Variants in CEP83 observed in about 807,000 individuals in gnomAD.
CEP83 encodes centrosomal protein of 83 kDa.
CEP83 carries 70 observed loss-of-function variants against 101.9 expected under a neutral mutation model. That is an observed-to-expected ratio of 0.69 (90% CI 0.57 to 0.84). The LOEUF is 0.84. CEP83 is among the 40% of genes least tolerant of loss of function. The pLI is 0.00. For synonymous variants in CEP83, 264 were observed against 267.9 expected (o/e 0.99, Z 0.14); for missense variants, 715 against 787.2 (o/e 0.91, Z 1.10).
intron 4 of CEP83, among the ~76,000 whole-genome samples, chr12:94,410,023 C>T (rs964563887): frequency 1.4e-4 from 21 of 152,076 alleles, no homozygotes; most frequent in Admixed American, 2.6e-4. Context: ...ACAACTCAAC[C>T]CATAATAGAT....
At chr12:94,277,789 A>C in the CEP83 span, 3 of 367,750 alleles carry the variant, frequency 8.2e-6, no homozygotes, top group African/African-American at 6.4e-5. Context: ...CGATACTATC[A>C]TCAAGCCTTT....
rs1555237944 is a variant in CEP83, at chr12:94,379,043, C to A, written c.550-1G>T. ...CTTTATCTTCCTCCAGTCTTGCAAT[C>A]TAATAATAATTTTAAAGAAAGCATA... On this transcript the variant is annotated splice_acceptor_variant, in intron 6 of 16. Transcript: ENST00000397809. LOFTEE classifies it high-confidence loss of function. 1.3e-6 allele frequency: 2 copies of A among 1,592,250 alleles called. No homozygotes were observed. Among genetic ancestry groups the A allele is most frequent in the Admixed American group, 1.7e-5 (1 of 57,434 alleles).
intron 11 of CEP83, among the ~76,000 whole-genome samples, chr12:94,340,896 G>A (rs569015293): frequency 6.6e-6 from 1 of 152,302 alleles, no homozygotes; most frequent in South Asian, 2.1e-4. Flanking sequence ...AGAAAAGGAG[G>A]AGAAAAGTCA....
intron 9 of CEP83, chr12:94,368,937 T>C (rs913327283): frequency 2.0e-5 from 3 of 151,802 alleles, no homozygotes; most frequent in African/African-American, 4.8e-5. Context: ...GGAGGACCAT[T>C]TGAGCCCAGG....
chr12:94,335,586 T>A lies in CEP83; in HGVS notation c.1419+3A>T. 2 of 1,531,308 alleles carry A rather than the reference T, an allele frequency of 1.3e-6. No homozygotes were observed. Among genetic ancestry groups the A allele is most frequent in the Non-Finnish European group, 1.8e-6 (2 of 1,119,696 alleles). 94.9% of individuals were successfully genotyped at this position (1,531,308 alleles called of 1,614,324 possible). A position where few individuals can be genotyped will look rare whatever the true frequency, so the allele number is the denominator to read the frequency against. On this transcript the variant is annotated splice_donor_region_variant and intron_variant, in intron 12 of 16. Coordinates refer to ENST00000397809, the MANE Select transcript of CEP83 (RefSeq NM_016122.3). Reference sequence around the variant, plus strand: ...AAAAGGAAAATCTTCGCTAAAATCATACCTGTTTTAGGTCAGAATTTTCAT... The same window carrying A: ...AAAAGGAAAATCTTCGCTAAAATCAAACCTGTTTTAGGTCAGAATTTTCAT...
At chr12:94,347,066 T>TATATATATAC (rs2059968996) in intron 11 of CEP83, among the ~76,000 whole-genome samples, 1 of 145,170 alleles carries the variant, frequency 6.9e-6, no homozygotes. Context: ...TATATATATA[T>TATATATATAC]ATACACATAC....
intron 6 of CEP83, among the ~76,000 whole-genome samples, chr12:94,399,780 T>C (rs1054799588): frequency 6.6e-6 from 1 of 152,154 alleles, no homozygotes; most frequent in Non-Finnish European, 1.5e-5. Context: ...ACTATTGTAA[T>C]AGAAGTGAGA....
intron 1 of CEP83, among the ~76,000 whole-genome samples, chr12:94,449,107 A>G (rs767166777): frequency 3.3e-5 from 5 of 151,954 alleles, no homozygotes; most frequent in Non-Finnish European, 5.9e-5. Flanking sequence ...AGGGAAAATT[A>G]TTGCCAACCT....
chr12:94,298,719 T>A, the CEP83 span: 2 of 1,613,312 alleles, frequency 1.2e-6, no homozygotes, highest in Non-Finnish European at 1.7e-6. Context: ...AAAATACTTT[T>A]TTGACTTTTT....
chr12:94,387,901 A>T (rs2062247290), intron 6 of CEP83, among the ~76,000 whole-genome samples: 1 of 152,174 alleles, frequency 6.6e-6, no homozygotes, highest in Non-Finnish European at 1.5e-5. Context: ...CACCAGTCAG[A>T]ATAGCTATTA....
In CEP83 at chr12:94,447,215, C is replaced by CTAGATTAAA. The variant is rs2138495428; in HGVS notation, c.-154-11889_-154-11888insTTTAATCTA. On this transcript the variant is annotated intron_variant, in intron 1 of 16. Transcript: ENST00000397809. ...TCCCTCAGGATAAAAGGAAGTCACA[C>CTAGATTAAA]CATAAAGTTTAATCTAGGCTGGGCA... Among the ~76,000 whole-genome samples the CTAGATTAAA allele has an allele frequency of 1.3e-5, 2 of 152,252 alleles. 1 individual carries two copies. Among genetic ancestry groups the CTAGATTAAA allele is most frequent in the African/African-American group, 4.8e-5 (2 of 41,548 alleles).
intron 14 of CEP83, among the ~76,000 whole-genome samples, chr12:94,329,808 G>T (rs764345758): frequency 2.0e-4 from 30 of 152,138 alleles, no homozygotes; most frequent in Non-Finnish European, 3.7e-4. Context: ...GAAGAAAAGT[G>T]ACATATACAG....
chr12:94,381,895 TC>T (rs1350098048), intron 6 of CEP83, among the ~76,000 whole-genome samples: 1 of 152,098 alleles, frequency 6.6e-6, no homozygotes, highest in African/African-American at 2.4e-5. Context: ...TAACCAAGAT[TC>T]CCCTATTGGT....
chr12:94,300,747 T>C, the CEP83 span, among the ~76,000 whole-genome samples: 1 of 152,138 alleles, frequency 6.6e-6, no homozygotes, highest in East Asian at 1.9e-4. Flanking sequence ...CCTTTCTTCT[T>C]CTCTCCAAGT....
chr12:94,286,250 T>A, the CEP83 span, among the ~76,000 whole-genome samples: 5 of 152,188 alleles, frequency 3.3e-5, no homozygotes, highest in African/African-American at 4.8e-5. Flanking sequence ...ATTCTCCTTA[T>A]GTTTAAAAAG....
intron 11 of CEP83, among the ~76,000 whole-genome samples, chr12:94,361,846 C>A (rs139138290): frequency 6.6e-6 from 1 of 151,998 alleles, no homozygotes; most frequent in South Asian, 2.1e-4. Context: ...GGATTACTGG[C>A]GCACACTACC....
intron 1 of CEP83, among the ~76,000 whole-genome samples, chr12:94,452,641 T>C (rs901995640): frequency 3.9e-5 from 6 of 152,152 alleles, no homozygotes; most frequent in Non-Finnish European, 8.8e-5. Context: ...TTCATTCCAT[T>C]ACAGAAAATT....
chr12:94,344,431 C>G (rs2059838130), intron 11 of CEP83, among the ~76,000 whole-genome samples: 1 of 151,998 alleles, frequency 6.6e-6, no homozygotes, highest in South Asian at 2.1e-4. Flanking sequence ...AAAGAAAGCC[C>G]AAGGTATACA....
rs528307405 is a variant in CEP83, at chr12:94,384,054, T to G, written c.550-5012A>C. Among the ~76,000 whole-genome samples, 4 of 152,286 alleles carry G rather than the reference T, an allele frequency of 2.6e-5. No individual in the cohort carries two copies. In the South Asian group the frequency reaches 6.2e-4, roughly 24 times the overall value. On this transcript the variant is annotated intron_variant, in intron 6 of 16. Coordinates refer to ENST00000397809, the MANE Select transcript of CEP83 (RefSeq NM_016122.3). ...CACAGTTCTGTTTACCATGTACATT[T>G]ATCCTTCCTAATACTTTGAGATTCC...
Sources: allele counts gnomAD v4.1 joint callset (sites outside exome capture counted in the v4.1 genomes callset), GRCh38; gene constraint gnomAD v4.1.1; transcripts MANE v1.5; gene names NCBI Gene and HGNC (gene_info 2026-07-23, HGNC 2026-07-21).